The following RBM17 variants were observed in gnomAD, a reference collection of about 807,000 sequenced individuals.
RBM17 encodes splicing factor 45.
Under a neutral mutation model 53.2 loss-of-function variants are expected in RBM17, and 7 were observed. The observed-to-expected ratio is 0.13, with a 90% confidence interval of 0.07 to 0.25. RBM17 has a LOEUF of 0.25. RBM17 is among the 10% of genes least tolerant of loss of function. The pLI is 1.00. For synonymous variants in RBM17, 167 were observed against 178.1 expected, an observed-to-expected ratio of 0.94 and a Z score of 0.50; for missense variants, 257 against 496.7, an observed-to-expected ratio of 0.52 and a Z score of 4.59.
chr10:6,096,545 C>G (rs1240141478), intron 1 of RBM17, among the ~76,000 whole-genome samples: 1 of 152,088 alleles, frequency 6.6e-6, no homozygotes, highest in Non-Finnish European at 1.5e-5. Flanking sequence ...CCAGTCTACT[C>G]CCCCCTTGAT....
At chr10:6,090,838 G>T (rs10905742) in intron 1 of RBM17, among the ~76,000 whole-genome samples, 5,907 of 151,584 alleles carry the variant, frequency 0.039, 208 homozygotes, top group East Asian at 0.18. Flanking sequence ...TGACAAGGGC[G>T]TCAGATGGAG....
At chr10:6,109,085 G>GAT (rs1840799081) in intron 6 of RBM17, among the ~76,000 whole-genome samples, 2 of 152,146 alleles carry the variant, frequency 1.3e-5, no homozygotes, top group South Asian at 4.1e-4. Flanking sequence ...AGGTTTAGAG[G>GAT]CTGTTATATT....
chr10:6,111,830 C>T (rs1480519979), intron 7 of RBM17, among the ~76,000 whole-genome samples: 2 of 152,146 alleles, frequency 1.3e-5, no homozygotes, highest in Admixed American at 6.5e-5. Flanking sequence ...CTTCATTGTA[C>T]GAAACTTCAT....
Position 6,110,694 on chromosome 10 carries a change from G to A in RBM17, c.704+567G>A, listed in dbSNP as rs41295355. ...GAGGATATTCTGTGTTGTTGACTTT[G>A]ATCCTGTGAGACGGCTGTCCCATGA... On this transcript the variant is annotated intron_variant, in intron 7 of 11. Coordinates refer to ENST00000379888, the MANE Select transcript of RBM17 (RefSeq NM_032905.5). 6.6e-3 allele frequency among the ~76,000 whole-genome samples: 1,009 copies of A among 152,350 alleles called. 8 individuals are homozygous for A. Among genetic ancestry groups the A allele is most frequent in the Non-Finnish European group, 1.0e-2 (678 of 68,030 alleles).
chr10:6,101,581 A>T lies in RBM17; in HGVS notation c.240+194A>T, dbSNP rs114358165. The stretch of plus-strand genomic sequence containing the variant: ...TATTTGAAATTAAATAGTTTGTTGT[A>T]GAAAAATCAGAAACTAGAGATACGC... On this transcript the variant is annotated intron_variant, in intron 3 of 11. Transcript: ENST00000379888. Among the ~76,000 whole-genome samples the T allele has an allele frequency of 3.1e-3, 476 of 152,358 alleles. 6 individuals are homozygous for T. The highest frequency in any genetic ancestry group is 0.011 in the African/African-American group (457 of 41,584).
In RBM17 at chr10:6,115,511, C is replaced by T. The variant is rs1840900602; in HGVS notation, c.1161C>T (p.Tyr387=). 6.2e-7 allele frequency: 1 copy of T among 1,613,760 alleles called. No individual in the cohort carries two copies. Among genetic ancestry groups the T allele is most frequent in the African/African-American group, 1.3e-5 (1 of 74,896 alleles). ...FGGRVVKACF[Y]NLDKFRVLDL... ...GACGGGTGGTAAAAGCATGTTTCTA[C>T]AATTTGGACAAATTCAGGGTCTTGG... is the stretch of plus-strand genomic sequence containing the variant. The change falls in exon 12 of 12, where the codon TAC becomes TAT. Residue 387 remains tyrosine, a synonymous_variant. Coordinates refer to ENST00000379888, the MANE Select transcript of RBM17 (RefSeq NM_032905.5).
chr10:6,098,563 GTTT>G lies in RBM17; in HGVS notation c.123+1403_123+1405del, dbSNP rs398012715. Among the ~76,000 whole-genome samples, 29 of 46,658 alleles carry G rather than the reference GTTT, an allele frequency of 6.2e-4. 1 individual carries two copies. Among genetic ancestry groups the G allele is most frequent in the Admixed American group, 1.8e-3 (7 of 3,816 alleles). The allele number at this position is 46,658 out of a possible 152,430, so 30.6% of individuals were successfully genotyped here. A position where few individuals can be genotyped will look rare whatever the true frequency, so the allele number is the denominator to read the frequency against. ...AATTTCCGTAATACACAGGTTTTTT[GTTT>G]TTTTTTTTTTTTTTTTTTTTTTTTT... On this transcript the variant is annotated intron_variant, in intron 2 of 11. Transcript: ENST00000379888.
At chr10:6,106,029 T>C (rs908540462) in intron 4 of RBM17, 112 bp from the exon 5 acceptor site, 2 of 696,290 alleles carry the variant, frequency 2.9e-6, no homozygotes, top group Admixed American at 2.3e-5. Flanking sequence ...TGCAACTTCA[T>C]AGTTGATTGT....
At chr10:6,113,767 G>A (rs1840872720) in intron 9 of RBM17, 186 bp downstream of exon 9, 1 of 597,816 alleles carries the variant, frequency 1.7e-6, no homozygotes, top group South Asian at 2.0e-5. Flanking sequence ...TAAGTACAGT[G>A]TTTAAGACTG....
At chr10:6,102,625 A>G (rs1442138360) in intron 3 of RBM17, among the ~76,000 whole-genome samples, 1 of 152,174 alleles carries the variant, frequency 6.6e-6, no homozygotes, top group African/African-American at 2.4e-5. Flanking sequence ...TACCTATAAT[A>G]TTAGTCTCCT....
At chr10:6,110,202 C>T (rs1840816417) in intron 7 of RBM17, 75 bp downstream of exon 7, 2 of 1,381,440 alleles carry the variant, frequency 1.4e-6, no homozygotes, top group South Asian at 1.6e-5. Flanking sequence ...ATAGATGCAG[C>T]TTGTTTGAAA....
chr10:6,104,077 C>T (rs1840709546), intron 3 of RBM17, among the ~76,000 whole-genome samples: 1 of 152,216 alleles, frequency 6.6e-6, no homozygotes, highest in Non-Finnish European at 1.5e-5. Flanking sequence ...GCTAAGAACA[C>T]TAACAGGAGA....
intron 2 of RBM17, among the ~76,000 whole-genome samples, chr10:6,099,190 T>C (rs778554937): frequency 4.6e-5 from 7 of 152,128 alleles, no homozygotes; most frequent in Non-Finnish European, 1.0e-4. Context: ...CGGCCTCATA[T>C]AGATTTTTAA....
rs780000465 is a variant in RBM17 at position 6,101,335 on chromosome 10, C to T, written c.188C>T (p.Ser63Leu). 2.4e-4 allele frequency: 388 copies of T among 1,613,550 alleles called. No individual in the cohort carries two copies. Among genetic ancestry groups the T allele is most frequent in the Non-Finnish European group, 3.1e-4 (369 of 1,179,888 alleles). ...ATTGACCTGAAGCGAGGTGGCTCCT[C>T]AGATGACCGGCAAATTGTGGACACT... ...PVIDLKRGGS[S>L]DDRQIVDTPP... The change falls in exon 3 of 12, where the codon TCA becomes TTA. Residue 63 changes from serine to leucine, a missense_variant. This residue lies in a region of RBM17 where 127 missense variants were observed against 217.2 expected (regional missense o/e 0.58). Transcript: ENST00000379888.
chr10:6,114,044 T>G lies in RBM17; in HGVS notation c.931-5T>G, dbSNP rs938131126. On this transcript the variant is annotated splice_region_variant and splice_polypyrimidine_tract_variant and intron_variant, in intron 9 of 11. Coordinates refer to ENST00000379888, the MANE Select transcript of RBM17 (RefSeq NM_032905.5). ...ACTTGAATTTGTTTATTTTTGTGTTTAAAGAACATGGTTGGTGCGGGAGAG... is the reference window on the plus strand; with the variant it reads ...ACTTGAATTTGTTTATTTTTGTGTTGAAAGAACATGGTTGGTGCGGGAGAG... 23 of 1,603,970 alleles carry G rather than the reference T, an allele frequency of 1.4e-5. No individual in the cohort carries two copies. The Admixed American group carries it at 3.0e-4, about 21-fold the overall frequency.
chr10:6,110,259 G>C (rs1470602333), intron 7 of RBM17, 132 bp downstream of exon 7: 2 of 624,372 alleles, frequency 3.2e-6, no homozygotes, highest in Admixed American at 7.8e-5. Context: ...CACGGTACCT[G>C]CCTCAATCGT....
At chr10:6,105,786 CATTT>C (rs1467354401) in intron 4 of RBM17, among the ~76,000 whole-genome samples, 6 of 152,016 alleles carry the variant, frequency 3.9e-5, no homozygotes, top group East Asian at 1.9e-4. Flanking sequence ...TACTGTTTCC[CATTT>C]ATTGAATCAT....
chr10:6,095,073 A>C (rs779938505), intron 1 of RBM17, among the ~76,000 whole-genome samples: 8 of 152,058 alleles, frequency 5.3e-5, no homozygotes, highest in Non-Finnish European at 8.8e-5. Context: ...TAAGGAATGG[A>C]GTTCATTATT....
In RBM17 at chr10:6,112,471, G is replaced by A. The variant is rs985942227; in HGVS notation, c.856+110G>A. ...CAGCAGGGGGACAATGAGGCGTGTG[G>A]CCAGAGGGAGAGGGCTGGCCCTGCC... On this transcript the variant is annotated intron_variant, in intron 8 of 11. Coordinates refer to ENST00000379888, the MANE Select transcript of RBM17 (RefSeq NM_032905.5). This position sits in a 1 kb window ranked among gnomAD's most constrained non-coding sequence, Gnocchi z 4.4. 3.0e-6 allele frequency: 4 copies of A among 1,339,860 alleles called. No homozygotes were observed. Among genetic ancestry groups the A allele is most frequent in the Non-Finnish European group, 3.2e-6 (3 of 951,688 alleles). The allele number at this position is 1,339,860 out of a possible 1,614,324, so 83.0% of individuals were successfully genotyped here.
Sources: allele counts gnomAD v4.1 joint callset (sites outside exome capture counted in the v4.1 genomes callset), GRCh38; gene constraint gnomAD v4.1.1; regional missense constraint gnomAD v4.1.1; non-coding constraint Gnocchi (gnomAD v3.1); transcripts MANE v1.5; gene names NCBI Gene and HGNC (gene_info 2026-07-23, HGNC 2026-07-21).